SUGCT: variants seen among roughly 807,000 people sequenced by gnomAD.
SUGCT encodes succinyl-CoA:glutarate-CoA transferase, also known as succinyl-CoA:glutarate CoA-transferase.
Under a neutral mutation model 55.0 loss-of-function variants are expected in SUGCT, and 41 were observed. That is an observed-to-expected ratio of 0.74 (90% CI 0.58 to 0.97). The LOEUF (loss-of-function observed/expected upper bound fraction) is 0.97, where lower values mean the gene tolerates loss of function less well. SUGCT is among the 50% of genes least tolerant of loss of function. The probability of loss-of-function intolerance (pLI) is 0.00; values close to 1 mark genes in which losing one functional copy is unlikely to be tolerated. For missense variants in SUGCT, 568 were observed against 547.8 expected (o/e 1.04, Z -0.37); for synonymous variants, 187 against 200.4 (o/e 0.93, Z 0.56).
At chr7:40,493,878 A>C (rs1037488759) in intron 11 of SUGCT, among the ~76,000 whole-genome samples, 3 of 152,174 alleles carry the variant, frequency 2.0e-5, no homozygotes, top group Admixed American at 1.3e-4. Flanking sequence ...AAAATGATGG[A>C]TATGTCCTCT....
the SUGCT span, among the ~76,000 whole-genome samples, chr7:40,909,758 G>A: frequency 6.6e-6 from 1 of 152,180 alleles, no homozygotes; most frequent in Non-Finnish European, 1.5e-5. Flanking sequence ...CGGCTCCAAG[G>A]TTATGAGGTA....
chr7:40,497,170 T>C (rs1407579099), intron 12 of SUGCT, among the ~76,000 whole-genome samples: 1 of 152,186 alleles, frequency 6.6e-6, no homozygotes, highest in Non-Finnish European at 1.5e-5. Flanking sequence ...TTCAACTGTC[T>C]TGTCAGTTTC....
At chr7:40,626,074 A>C (rs1046577332) in intron 12 of SUGCT, among the ~76,000 whole-genome samples, 1 of 152,102 alleles carries the variant, frequency 6.6e-6, no homozygotes, top group Non-Finnish European at 1.5e-5. Context: ...TAGGCCCTGC[A>C]AGGACCCTCC....
Position 40,206,126 on chromosome 7 carries a change from A to G in SUGCT, c.484+11066A>G, listed in dbSNP as rs147633131. Among the ~76,000 whole-genome samples, 484 of 152,332 alleles carry G rather than the reference A, an allele frequency of 3.2e-3. 1 individual carries two copies. Among genetic ancestry groups the G allele is most frequent in the Middle Eastern group, 0.017 (5 of 294 alleles). ...AATGTTTTATAGATCGTGCCAGATA[A>G]ACATGCCAGGACTTAGCCACCATCC... On this transcript the variant is annotated intron_variant, in intron 6 of 13. Transcript: ENST00000335693.
At chr7:40,608,167 C>A (rs959038269) in intron 12 of SUGCT, among the ~76,000 whole-genome samples, 1 of 152,164 alleles carries the variant, frequency 6.6e-6, no homozygotes, top group Non-Finnish European at 1.5e-5. Flanking sequence ...TTCCACATTA[C>A]GTAATGTAAC....
At chr7:40,932,891 G>A in the SUGCT span, among the ~76,000 whole-genome samples, 2 of 151,348 alleles carry the variant, frequency 1.3e-5, no homozygotes, top group Non-Finnish European at 2.9e-5. Flanking sequence ...TATCAAATTT[G>A]CCAGTCTGCG....
chr7:40,694,016 G>A (rs1345458771), intron 12 of SUGCT, among the ~76,000 whole-genome samples: 4 of 152,212 alleles, frequency 2.6e-5, no homozygotes, highest in Non-Finnish European at 5.9e-5. Flanking sequence ...CACAGCCAAT[G>A]TGTATCTAGA....
At chr7:40,336,492 C>G (rs1270017831) in intron 9 of SUGCT, among the ~76,000 whole-genome samples, 3 of 152,032 alleles carry the variant, frequency 2.0e-5, no homozygotes, top group Non-Finnish European at 4.4e-5. Flanking sequence ...TGTATGTGTC[C>G]AGGAATTTAT....
the SUGCT span, among the ~76,000 whole-genome samples, chr7:41,032,857 G>A: frequency 2.0e-5 from 3 of 152,282 alleles, no homozygotes; most frequent in South Asian, 2.1e-4. Context: ...TCTGCCTCCC[G>A]GGTTCAAGCG....
intron 12 of SUGCT, among the ~76,000 whole-genome samples, chr7:40,720,254 GT>G (rs1786256448): frequency 6.6e-6 from 1 of 152,162 alleles, no homozygotes; most frequent in Non-Finnish European, 1.5e-5. Flanking sequence ...AGGAATTTGT[GT>G]TAGATCTGTA....
At chr7:40,932,626 T>C in the SUGCT span, among the ~76,000 whole-genome samples, 2 of 152,216 alleles carry the variant, frequency 1.3e-5, no homozygotes, top group African/African-American at 4.8e-5. Flanking sequence ...GGTGTGTATA[T>C]ATTTAGGACA....
At chr7:40,395,537 C>G (rs1156881887) in intron 9 of SUGCT, among the ~76,000 whole-genome samples, 1 of 149,976 alleles carries the variant, frequency 6.7e-6, no homozygotes, top group African/African-American at 2.5e-5. Flanking sequence ...CAATTTTGAG[C>G]CTCACCTCTG....
At chr7:40,931,218 T>A in the SUGCT span, among the ~76,000 whole-genome samples, 1 of 152,196 alleles carries the variant, frequency 6.6e-6, no homozygotes, top group African/African-American at 2.4e-5. Context: ...ATATGATGGA[T>A]TACATTTATT....
the SUGCT span, among the ~76,000 whole-genome samples, chr7:40,884,050 G>A: frequency 6.6e-6 from 1 of 151,922 alleles, no homozygotes; most frequent in Non-Finnish European, 1.5e-5. Context: ...TGTATCACTA[G>A]TGAAAAAAAA....
intron 12 of SUGCT, among the ~76,000 whole-genome samples, chr7:40,535,885 T>C (rs1794335367): frequency 6.6e-6 from 1 of 152,170 alleles, no homozygotes; most frequent in South Asian, 2.1e-4. Flanking sequence ...TGTTATCTCA[T>C]TGTGGTTTTG....
chr7:40,811,688 A>C (rs1019791587), intron 13 of SUGCT, among the ~76,000 whole-genome samples: 1 of 152,038 alleles, frequency 6.6e-6, no homozygotes, highest in Admixed American at 6.5e-5. Flanking sequence ...TGGGTTTTCT[A>C]GGTGTAGAAT....
intron 9 of SUGCT, among the ~76,000 whole-genome samples, chr7:40,394,641 C>A (rs906218287): frequency 6.6e-6 from 1 of 152,194 alleles, no homozygotes; most frequent in Admixed American, 6.5e-5. Context: ...TTCCTTCTAA[C>A]TAAAATTTTG....
intron 12 of SUGCT, among the ~76,000 whole-genome samples, chr7:40,746,742 A>G (rs1409556408): frequency 6.6e-6 from 1 of 152,182 alleles, no homozygotes; most frequent in Non-Finnish European, 1.5e-5. Context: ...CTTGACCTTT[A>G]CCAACTACCC....
rs190922461 is a variant in SUGCT at position 40,470,413 on chromosome 7, A to G, written c.986+11215A>G. The stretch of plus-strand genomic sequence containing the variant: ...ACCACCTCTCTCCCAGTGCTGACAG[A>G]TGACATCCCTGCTGAGTCCCGATTT... On this transcript the variant is annotated intron_variant, in intron 11 of 13. Coordinates refer to ENST00000335693, the MANE Select transcript of SUGCT (RefSeq NM_001193313.2). 2.6e-5 allele frequency among the ~76,000 whole-genome samples: 4 copies of G among 152,192 alleles called. No homozygotes were observed. The East Asian group carries it at 7.7e-4, about 29-fold the overall frequency.
Sources: gnomAD v4.1 joint callset for allele counts (sites outside exome capture counted in the v4.1 genomes callset) on GRCh38, gnomAD v4.1.1 for gene constraint, MANE v1.5 for transcripts, NCBI Gene and HGNC (gene_info 2026-07-23, HGNC 2026-07-21) for gene names.